RXFP2: variants seen among roughly 807,000 people sequenced by gnomAD.
The protein encoded by RXFP2 is relaxin receptor 2.
In RXFP2, 68 loss-of-function variants were observed where a neutral mutation model predicts 88.6. The ratio of observed to expected loss-of-function variants is 0.77; its 90% CI spans 0.63 to 0.94. The LOEUF is 0.94. RXFP2 is among the 40% of genes least tolerant of loss of function. The pLI is 0.00. For synonymous variants in RXFP2, 329 were observed against 306.8 expected, an observed-to-expected ratio of 1.07 and a Z score of -0.76; for missense variants, 791 against 893.9, an observed-to-expected ratio of 0.88 and a Z score of 1.47.
intron 8 of RXFP2, 75 bp from the exon 9 acceptor site, chr13:31,778,437 T>A: frequency 9.3e-7 from 1 of 1,069,904 alleles, no homozygotes; most frequent in South Asian, 1.3e-5. Context: ...AGTTTTGAAA[T>A]TTTAAAATAA....
chr13:31,747,694 T>C (rs1871484410), intron 1 of RXFP2, among the ~76,000 whole-genome samples: 1 of 152,212 alleles, frequency 6.6e-6, no homozygotes, highest in Non-Finnish European at 1.5e-5. Context: ...AATTAATAAA[T>C]TCCATTACTT....
At chr13:31,769,893 C>T (rs1051595760) in intron 5 of RXFP2, among the ~76,000 whole-genome samples, 11 of 152,156 alleles carry the variant, frequency 7.2e-5, no homozygotes, top group African/African-American at 2.7e-4. Context: ...GTCACTACTC[C>T]TCTCATAATT....
Position 31,777,435 on chromosome 13 carries a change from C to T in RXFP2, c.701C>T (p.Ser234Phe). The T allele has an allele frequency of 2.5e-6, 4 of 1,607,456 alleles. No individual in the cohort carries two copies. Among genetic ancestry groups the T allele is most frequent in the Non-Finnish European group, 3.4e-6 (4 of 1,174,830 alleles). Residue 234 changes from serine to phenylalanine, a missense_variant, in exon 8 of 18, where the codon TCC becomes TTC. Physicochemically the swap from Ser to Phe is radical, Grantham distance 155. Transcript: ENST00000298386. ...ISQRLFTGLNSLFFLSMVNNY... is the reference protein window; with the variant it reads ...ISQRLFTGLNFLFFLSMVNNY... ...CAGCGCTTGTTTACGGGATTAAATT[C>T]CTTGTTTTTCCTGTAAGTATTCATC...
intron 1 of RXFP2, among the ~76,000 whole-genome samples, chr13:31,752,286 C>G (rs1871705655): frequency 6.6e-6 from 1 of 152,040 alleles, no homozygotes; most frequent in African/African-American, 2.4e-5. Context: ...TGCCCCCTCC[C>G]CCCCAAAAAA....
At chr13:31,752,796 C>T (rs1189082572) in intron 1 of RXFP2, among the ~76,000 whole-genome samples, 2 of 152,120 alleles carry the variant, frequency 1.3e-5, no homozygotes, top group Middle Eastern at 3.2e-3. Flanking sequence ...GTGCTGCTGC[C>T]CCCCTCAGAG....
intron 2 of RXFP2, among the ~76,000 whole-genome samples, 165 bp downstream of exon 2, chr13:31,758,569 G>A (rs113391411): frequency 2.6e-5 from 4 of 152,094 alleles, no homozygotes; most frequent in Non-Finnish European, 5.9e-5. Context: ...TTGTGATAAC[G>A]ACCTGAATTT....
At chr13:31,771,315 G>C (rs894469043) in intron 5 of RXFP2, among the ~76,000 whole-genome samples, 1 of 152,196 alleles carries the variant, frequency 6.6e-6, no homozygotes, top group Admixed American at 6.5e-5. Context: ...AGTGGTGAGC[G>C]AGCAAGCAAA....
At chr13:31,749,217 G>T (rs933111081) in intron 1 of RXFP2, among the ~76,000 whole-genome samples, 1 of 151,878 alleles carries the variant, frequency 6.6e-6, no homozygotes, top group Admixed American at 6.6e-5. Context: ...GCATCACCTC[G>T]CCTCACTCCT....
intron 9 of RXFP2, among the ~76,000 whole-genome samples, chr13:31,778,835 C>T (rs1280550965): frequency 6.6e-6 from 1 of 152,146 alleles, no homozygotes; most frequent in Non-Finnish European, 1.5e-5. Context: ...CCCTGACCCT[C>T]GTATGCATGT....
chr13:31,781,556 G>GC lies in RXFP2; in HGVS notation c.786-115_786-114insC, dbSNP rs5802617. 431,774 of 713,768 alleles carry GC rather than the reference G, an allele frequency of 0.6. 132,288 individuals carry two copies. The highest frequency in any genetic ancestry group is 0.77 in the East Asian group (28,613 of 37,022). The allele number at this position is 713,768 out of a possible 1,614,324, so 44.2% of individuals were successfully genotyped here. The stretch of plus-strand genomic sequence containing the variant: ...TAACCTTGCAATAATTAGGAGGAAA[G>GC]ATAGTAACAACTGGAATGAAGTAAA... On this transcript the variant is annotated intron_variant, in intron 9 of 17. Transcript: ENST00000298386.
At chr13:31,772,044 T>G (rs1347121183) in intron 5 of RXFP2, among the ~76,000 whole-genome samples, 3 of 152,210 alleles carry the variant, frequency 2.0e-5, no homozygotes, top group African/African-American at 7.2e-5. Context: ...TTACCATTGA[T>G]CAGTTTATTC....
intron 14 of RXFP2, 146 bp from the exon 15 acceptor site, chr13:31,791,660 C>G: frequency 1.5e-6 from 1 of 666,728 alleles, no homozygotes; most frequent in Non-Finnish European, 2.7e-6. Context: ...ATGAAGAACT[C>G]TTTAATTATA....
intron 17 of RXFP2, 36 bp downstream of exon 17, chr13:31,797,455 C>A: frequency 6.7e-7 from 1 of 1,487,612 alleles, no homozygotes; most frequent in Non-Finnish European, 9.4e-7. Context: ...TATAATACAT[C>A]GTGCCTTCTT....
intron 2 of RXFP2, among the ~76,000 whole-genome samples, chr13:31,760,298 C>T (rs566599300): frequency 6.6e-6 from 1 of 152,236 alleles, no homozygotes; most frequent in African/African-American, 2.4e-5. Context: ...AACATGTTGG[C>T]CGGGCTGGTC....
chr13:31,797,399 T>A lies in RXFP2; in HGVS notation c.1985T>A (p.Leu662His). ...IPVFVVKILS[L>H]FRVEIPDTMT... ...GTATTTGTAGTTAAAATCCTTTCCC[T>A]CTTCCGGGTGGAAATACCAGGTCAG... The change falls in exon 17 of 18, where the codon CTC becomes CAC. Residue 662 changes from leucine to histidine, a missense_variant. Transcript: ENST00000298386. 6.2e-7 allele frequency: 1 copy of A among 1,613,804 alleles called. No homozygotes were observed. Among genetic ancestry groups the A allele is most frequent in the East Asian group, 2.2e-5 (1 of 44,860 alleles).
chr13:31,798,265 G>T (rs548484734), intron 17 of RXFP2, among the ~76,000 whole-genome samples: 2 of 152,168 alleles, frequency 1.3e-5, no homozygotes, highest in African/African-American at 4.8e-5. Flanking sequence ...CAGTTGTGAG[G>T]CTATGTCAAA....
chr13:31,766,679 C>T (rs1217844148), intron 5 of RXFP2, among the ~76,000 whole-genome samples: 1 of 152,134 alleles, frequency 6.6e-6, no homozygotes, highest in Non-Finnish European at 1.5e-5. Flanking sequence ...TGAACAATCC[C>T]TTTGCTTTGA....
intron 7 of RXFP2, among the ~76,000 whole-genome samples, chr13:31,777,064 A>G (rs984295641): frequency 1.3e-5 from 2 of 152,202 alleles, no homozygotes; most frequent in African/African-American, 2.4e-5. Context: ...TGCATTCAAT[A>G]CGTGGAGTTT....
chr13:31,744,718 GT>G (rs66536064), intron 1 of RXFP2, among the ~76,000 whole-genome samples: 2 of 129,364 alleles, frequency 1.5e-5, no homozygotes, highest in Non-Finnish European at 3.5e-5. Context: ...GTTTGTTTTT[GT>G]TTTTTTTTTC....
Sources: gnomAD v4.1 joint callset for allele counts (sites outside exome capture counted in the v4.1 genomes callset) on GRCh38, gnomAD v4.1.1 for gene constraint, MANE v1.5 for transcripts, NCBI Gene and HGNC (gene_info 2026-07-23, HGNC 2026-07-21) for gene names.